PMEPA1: variants seen among roughly 807,000 people sequenced by gnomAD.
PMEPA1 encodes the protein protein TMEPAI.
PMEPA1 carries 11 observed loss-of-function variants against 23.0 expected under a neutral mutation model. The ratio of observed to expected loss-of-function variants is 0.48; its 90% CI spans 0.30 to 0.79. The LOEUF is 0.79. Ranked by LOEUF, PMEPA1 falls within the 30% of genes least tolerant of loss-of-function variation. The pLI, the probability that PMEPA1 is intolerant of heterozygous loss-of-function variation, is 0.06. For missense variants in PMEPA1, 377 were observed against 390.9 expected, an observed-to-expected ratio of 0.96 and a Z score of 0.30; for synonymous variants, 204 against 166.4, an observed-to-expected ratio of 1.23 and a Z score of -1.74.
At position 57,659,641 on chromosome 20, in the gene PMEPA1, C is replaced by T. The variant is rs751677818; in HGVS notation, c.166G>A (p.Val56Met). 42 of 1,609,854 alleles carry T rather than the reference C, an allele frequency of 2.6e-5. No homozygotes were observed. The highest frequency in any genetic ancestry group is 1.6e-4 in the Middle Eastern group (1 of 6,076). Residue 56 changes from valine to methionine, a missense_variant, in exon 2 of 4, where the codon GTG becomes ATG. Physicochemically the swap from Val to Met is conservative, Grantham distance 21. Around this residue, in one of 3 missense-constraint regions of PMEPA1, gnomAD observed 198 missense variants for 196.3 expected, o/e 1.01. Transcript: ENST00000341744. ...IIVVVMMVMV[V>M]VITCLLSHYK... ...TGGCTCAGCAGGCACGTGATCACCA[C>T]CACCATCACCATCATCACCACCACG...
intron 2 of PMEPA1, among the ~76,000 whole-genome samples, chr20:57,653,870 T>C (rs1384421535): frequency 6.6e-6 from 1 of 152,198 alleles, no homozygotes; most frequent in Non-Finnish European, 1.5e-5. Flanking sequence ...CTGTCCTAAC[T>C]TAATCATTGC....
At chr20:57,710,532 C>A (rs2072164895), upstream of PMEPA1, 7 of 1,542,962 alleles carry the variant, frequency 4.5e-6, no homozygotes, top group Admixed American at 1.3e-4. Context: ...CCCACTGAAC[C>A]CCCAAGCGCT....
chr20:57,710,060 G>A (rs1312016557), upstream of PMEPA1: 1 of 996,560 alleles, frequency 1.0e-6, no homozygotes, highest in African/African-American at 1.7e-5. Flanking sequence ...GCGGGGGCCG[G>A]GGAGGGGGCG....
intron 2 of PMEPA1, among the ~76,000 whole-genome samples, chr20:57,653,740 A>T (rs2071287071): frequency 6.6e-6 from 1 of 152,218 alleles, no homozygotes; most frequent in African/African-American, 2.4e-5. Flanking sequence ...ACGGCAGGCC[A>T]GGCTGCACGG....
At position 57,650,607 on chromosome 20, in the gene PMEPA1, G is replaced by C. The variant is rs2071211888; in HGVS notation, c.*1446C>G. ...ACAGATCAACAGACACACCAGAAGGGAAGCGTTGTTTCCGCGGGGAAAGGA... is the reference window on the plus strand; with the variant it reads ...ACAGATCAACAGACACACCAGAAGGCAAGCGTTGTTTCCGCGGGGAAAGGA... On this transcript the variant is annotated 3_prime_UTR_variant, in exon 4 of 4. Transcript: ENST00000341744. 6.6e-6 allele frequency: 1 copy of C among 152,316 alleles called. No homozygotes were observed. Among genetic ancestry groups the C allele is most frequent in the Non-Finnish European group, 1.5e-5 (1 of 68,064 alleles). The allele number at this position is 152,316 out of a possible 1,614,324, so 9.4% of individuals were successfully genotyped here.
chr20:57,693,248 G>A (rs2071905794), intron 1 of PMEPA1, among the ~76,000 whole-genome samples: 1 of 152,194 alleles, frequency 6.6e-6, no homozygotes, highest in Non-Finnish European at 1.5e-5. Flanking sequence ...TAGGAGGCAG[G>A]CCCACAGGAT....
intron 1 of PMEPA1, among the ~76,000 whole-genome samples, chr20:57,670,979 C>T (rs1051918092): frequency 6.6e-6 from 1 of 152,092 alleles, no homozygotes; most frequent in Non-Finnish European, 1.5e-5. Context: ...GCAGCGCGGC[C>T]GTGGGTGAGC....
intron 1 of PMEPA1, among the ~76,000 whole-genome samples, chr20:57,694,451 G>A (rs1372357639): frequency 6.6e-6 from 1 of 152,162 alleles, no homozygotes; most frequent in Non-Finnish European, 1.5e-5. Context: ...ACATGAGTAC[G>A]GAACTATTAA....
intron 1 of PMEPA1, among the ~76,000 whole-genome samples, chr20:57,694,795 G>A (rs998943519): frequency 5.9e-5 from 9 of 152,150 alleles, no homozygotes; most frequent in Non-Finnish European, 1.0e-4. Context: ...AGGGGAGGGG[G>A]GTCCATGCTG....
At position 57,659,602 on chromosome 20, in the gene PMEPA1, C is replaced by T. The variant is rs778511750; in HGVS notation, c.205G>A (p.Ala69Thr). Residue 69 changes from alanine to threonine, a missense_variant, in exon 2 of 4, where the codon GCA (alanine) becomes ACA (threonine). Around this residue, in one of 3 missense-constraint regions of PMEPA1, gnomAD observed 198 missense variants for 196.3 expected, o/e 1.01. Transcript: ENST00000341744. ...CTGTGCCGGCTGATGAAGGACCGTG[C>T]AGACAGCTTGTAGTGGCTCAGCAGG... Reference protein sequence around the residue: ...TCLLSHYKLSARSFISRHSQG... With the variant: ...TCLLSHYKLSTRSFISRHSQG... 3 of 1,613,622 alleles carry T rather than the reference C, an allele frequency of 1.9e-6. No individual in the cohort carries two copies. Among genetic ancestry groups the T allele is most frequent in the Admixed American group, 1.7e-5 (1 of 59,972 alleles).
At chr20:57,681,199 C>T (rs2071708050) in intron 1 of PMEPA1, among the ~76,000 whole-genome samples, 1 of 152,192 alleles carries the variant, frequency 6.6e-6, no homozygotes, top group South Asian at 2.1e-4. Context: ...GCCCATGCTC[C>T]TTCCTGACCT....
intron 1 of PMEPA1, 117 bp downstream of exon 1, chr20:57,709,357 C>G: frequency 1.5e-6 from 1 of 689,584 alleles, no homozygotes; most frequent in Non-Finnish European, 1.8e-6. Flanking sequence ...GCTGCCCGGG[C>G]GCAGGGCGTT....
intron 1 of PMEPA1, among the ~76,000 whole-genome samples, chr20:57,705,814 G>A (rs1342214061): frequency 6.6e-6 from 1 of 152,212 alleles, no homozygotes; most frequent in Non-Finnish European, 1.5e-5. Flanking sequence ...AAACCTGGGA[G>A]AGGGGTGCTG....
chr20:57,671,164 T>C (rs1160172890), intron 1 of PMEPA1, among the ~76,000 whole-genome samples: 1 of 152,264 alleles, frequency 6.6e-6, no homozygotes, highest in African/African-American at 2.4e-5. Flanking sequence ...CTATTGTCAC[T>C]GACATCGAAC....
Position 57,652,156 on chromosome 20 carries a change from G to A in PMEPA1, c.761C>T (p.Ser254Phe), listed in dbSNP as rs267606017. ...FQHQQSSGPP[S>F]LLEGTRLHHT... ...GTGGAGCCGGGTCCCCTCCAGCAAG[G>A]AGGGCGGCCCACTGCTCTGCTGGTG... Residue 254 changes from serine (S) to phenylalanine (F), a missense_variant, in exon 4 of 4, where the codon TCC becomes TTC. Transcript: ENST00000341744. The surrounding 1 kb of genome is among the most constrained non-coding windows in gnomAD (Gnocchi z 6.1). The A allele has an allele frequency of 1.2e-6, 2 of 1,604,378 alleles. No homozygotes were observed. Among genetic ancestry groups the A allele is most frequent in the Non-Finnish European group, 8.5e-7 (1 of 1,175,604 alleles).
At chr20:57,661,479 G>A (rs1250879548) in intron 1 of PMEPA1, among the ~76,000 whole-genome samples, 1 of 152,200 alleles carries the variant, frequency 6.6e-6, no homozygotes, top group African/African-American at 2.4e-5. Flanking sequence ...ATGGGGGCAA[G>A]GAGGACTCCC....
intron 1 of PMEPA1, among the ~76,000 whole-genome samples, chr20:57,663,520 A>C (rs203376): frequency 0.49 from 74,063 of 152,024 alleles, 18,972 homozygotes; most frequent in African/African-American, 0.64. Flanking sequence ...GGGATGCTCA[A>C]TTCCATCCTG....
At position 57,652,344 on chromosome 20, in the gene PMEPA1, G is replaced by C; in HGVS notation, c.573C>G (p.Ile191Met). 6.2e-7 allele frequency: 1 copy of C among 1,613,076 alleles called. No homozygotes were observed. The highest frequency in any genetic ancestry group is 1.1e-5 in the South Asian group (1 of 91,082). ...ESVRAPPNRT[I>M]FDSDLMDSAR... ...CACTATCCATCAGGTCACTGTCGAA[G>C]ATGGTTCTGTTTGGGGGTGCGCGCA... Residue 191 changes from isoleucine to methionine, a missense_variant, in exon 4 of 4, where the codon ATC (isoleucine) becomes ATG (methionine). By Grantham distance (10) the Ile-to-Met change is conservative. Around this residue, in one of 3 missense-constraint regions of PMEPA1, gnomAD observed 176 missense variants for 173.0 expected, o/e 1.02. Transcript: ENST00000341744. This position sits in a 1 kb window ranked among gnomAD's most constrained non-coding sequence, Gnocchi z 6.1.
chr20:57,702,914 G>C (rs900067566), intron 1 of PMEPA1, among the ~76,000 whole-genome samples: 1 of 152,202 alleles, frequency 6.6e-6, no homozygotes, highest in Non-Finnish European at 1.5e-5. Context: ...TGTGGCTCTC[G>C]GATAGTCTGG....
Sources: allele counts gnomAD v4.1 joint callset (sites outside exome capture counted in the v4.1 genomes callset), GRCh38; gene constraint gnomAD v4.1.1; regional missense constraint gnomAD v4.1.1; non-coding constraint Gnocchi (gnomAD v3.1); transcripts MANE v1.5; gene names NCBI Gene and HGNC (gene_info 2026-07-23, HGNC 2026-07-21).